BBS2: variants seen among roughly 807,000 people sequenced by gnomAD.
BBS2 encodes the protein Bardet-Biedl syndrome 2, also known as BBSome complex member BBS2.
In BBS2, 62 loss-of-function variants were observed where a neutral mutation model predicts 83.0. That is an observed-to-expected ratio of 0.75 (90% CI 0.61 to 0.92). BBS2 has a LOEUF of 0.92. Among genes scored for constraint, BBS2 ranks in the 40% least tolerant of loss-of-function variants. BBS2 has a pLI of 0.00. For synonymous variants in BBS2, 303 were observed against 326.1 expected (o/e 0.93, Z 0.76); for missense variants, 784 against 901.0 (o/e 0.87, Z 1.66).
At chr16:56,494,961 C>T (rs1384953197) in intron 15 of BBS2, among the ~76,000 whole-genome samples, 3 of 120,656 alleles carry the variant, frequency 2.5e-5, no homozygotes, top group African/African-American at 6.5e-5. Flanking sequence ...GACTCCGTCT[C>T]GAAAAAAAAA....
intron 15 of BBS2, among the ~76,000 whole-genome samples, chr16:56,490,050 G>A (rs1035185523): frequency 7.2e-5 from 11 of 151,842 alleles, no homozygotes; most frequent in African/African-American, 1.9e-4. Flanking sequence ...CCAGGAGATC[G>A]AGGCTGCTGT....
intron 15 of BBS2, among the ~76,000 whole-genome samples, chr16:56,492,954 T>C (rs1448914549): frequency 4.0e-5 from 6 of 150,506 alleles, no homozygotes; most frequent in African/African-American, 1.4e-4. Flanking sequence ...TTATCTACAG[T>C]AAAAAAAAAA....
intron 17 of BBS2, among the ~76,000 whole-genome samples, chr16:56,474,057 C>A (rs185621116): frequency 2.0e-4 from 30 of 152,196 alleles, no homozygotes; most frequent in African/African-American, 7.2e-4. Flanking sequence ...GATCTGCCTG[C>A]CTCAGAGGAG....
chr16:56,492,800 A>G (rs1295099306), intron 15 of BBS2, among the ~76,000 whole-genome samples: 1 of 152,200 alleles, frequency 6.6e-6, no homozygotes, highest in African/African-American at 2.4e-5. Flanking sequence ...ATGAGGTAAC[A>G]CCTATGGAGA....
chr16:56,479,607 G>A (rs901552352), downstream of BBS2, among the ~76,000 whole-genome samples: 4 of 152,208 alleles, frequency 2.6e-5, no homozygotes, highest in East Asian at 1.9e-4. Flanking sequence ...GCTTTGTCAT[G>A]TATCAACTTG....
At chr16:56,501,540 C>T (rs373801731) in intron 9 of BBS2, 43 bp from the exon 10 acceptor site, 5 of 1,613,434 alleles carry the variant, frequency 3.1e-6, no homozygotes, top group African/African-American at 1.3e-5. Context: ...CACCAAAACA[C>T]TGAACTAATA....
chr16:56,483,843 G>C (rs1229909247), downstream of BBS2, among the ~76,000 whole-genome samples: 2 of 150,614 alleles, frequency 1.3e-5, no homozygotes, highest in African/African-American at 4.9e-5. Context: ...GGGATTGTAG[G>C]TGTCCACCAC....
At chr16:56,486,193 T>C (rs776731749) in intron 15 of BBS2, among the ~76,000 whole-genome samples, 1 of 152,062 alleles carries the variant, frequency 6.6e-6, no homozygotes, top group Non-Finnish European at 1.5e-5. Context: ...TAAAGAAAAA[T>C]ATAGCTGAAG....
chr16:56,515,266 A>G (rs973801529), intron 1 of BBS2, among the ~76,000 whole-genome samples: 2 of 152,198 alleles, frequency 1.3e-5, no homozygotes, highest in Admixed American at 6.5e-5. Flanking sequence ...CAACAGTTTC[A>G]ACTATCATAA....
rs777000749 is a variant in BBS2, at chr16:56,485,605, C to T, written c.2044G>A (p.Ala682Thr). The T allele has an allele frequency of 3.7e-6, 6 of 1,614,144 alleles. No homozygotes were observed. Among genetic ancestry groups the T allele is most frequent in the Non-Finnish European group, 5.1e-6 (6 of 1,180,006 alleles). ...LKAVNQAIQR[A>T]GRLRVGKPKN... ...AGAGACTTACCCCGCAGACGACCTG[C>T]TCTTTGAATTGCTTGATTTACTGCT... The change falls in exon 16 of 17, where the codon GCA becomes ACA. Residue 682 changes from alanine to threonine, a missense_variant. Ala to Thr is a moderately conservative substitution (Grantham distance 58, BLOSUM62 0). Transcript: ENST00000245157.
chr16:56,515,291 T>C (rs1183667520), intron 1 of BBS2, among the ~76,000 whole-genome samples: 1 of 152,190 alleles, frequency 6.6e-6, no homozygotes, highest in Non-Finnish European at 1.5e-5. Flanking sequence ...AATCTGAGTG[T>C]CTGCATAAAT....
At chr16:56,474,461 C>T (rs1963361007) in intron 17 of BBS2, among the ~76,000 whole-genome samples, 1 of 151,784 alleles carries the variant, frequency 6.6e-6, no homozygotes, top group Non-Finnish European at 1.5e-5. Context: ...AGCTGGATTA[C>T]AGGCATGCAC....
chr16:56,501,730 C>G (rs372977454), intron 9 of BBS2: 1 of 560,216 alleles, frequency 1.8e-6, no homozygotes. Context: ...CCACTGTATC[C>G]CATCATGACT....
chr16:56,500,942 G>T lies in BBS2; in HGVS notation c.1309C>A (p.Leu437Ile). 1 of 1,614,134 alleles carries T rather than the reference G, an allele frequency of 6.2e-7. No individual in the cohort carries two copies. The highest frequency in any genetic ancestry group is 8.5e-7 in the Non-Finnish European group (1 of 1,179,984). The change falls in exon 11 of 17, where the codon CTC becomes ATC. Residue 437 changes from leucine (L) to isoleucine (I), a missense_variant. Coordinates refer to ENST00000245157, the MANE Select transcript of BBS2 (RefSeq NM_031885.5). ...ATAGGGATGCAGATGGAACTGGAGA[G>T]GTTGTGAATGCTGGGATGTACCACG... ...SHVVHPSIHNLSSSICIPIVP... is the reference protein window; with the variant it reads ...SHVVHPSIHNISSSICIPIVP...
In BBS2 at chr16:56,485,732, T is replaced by C. The variant is rs1383409087; in HGVS notation, c.1917A>G (p.Thr639=). Residue 639 remains threonine (T), a synonymous_variant, in exon 16 of 17, where the codon ACA becomes ACG. Coordinates refer to ENST00000245157, the MANE Select transcript of BBS2 (RefSeq NM_031885.5). ...EDARLMRDMK[T]MKSRYMELYD... The stretch of plus-strand genomic sequence containing the variant: ...AGAGTTCCATATAACGACTCTTCAT[T>C]GTTTTCCTGTGCAAATCAGTAGAAA... 6.2e-7 allele frequency: 1 copy of C among 1,613,916 alleles called. No homozygotes were observed. Among genetic ancestry groups the C allele is most frequent in the Admixed American group, 1.7e-5 (1 of 60,016 alleles).
chr16:56,504,374 A>G (rs759952523), intron 7 of BBS2, among the ~76,000 whole-genome samples: 1 of 152,208 alleles, frequency 6.6e-6, no homozygotes, highest in Non-Finnish European at 1.5e-5. Flanking sequence ...CAGGACTACA[A>G]ATTAATATTT....
intron 15 of BBS2, among the ~76,000 whole-genome samples, chr16:56,496,496 C>T (rs572808552): frequency 3.3e-5 from 5 of 152,288 alleles, no homozygotes; most frequent in Non-Finnish European, 7.4e-5. Context: ...TAACTATACA[C>T]ACGGATACAT....
rs777639253 is a variant in BBS2, at chr16:56,501,386, C to T, written c.1192G>A (p.Ala398Thr). The T allele has an allele frequency of 1.2e-6, 2 of 1,614,008 alleles. No homozygotes were observed. Among genetic ancestry groups the T allele is most frequent in the Admixed American group, 3.3e-5 (2 of 60,012 alleles). ...GTGGAAATGCGTAATTCTGTATGAG[C>T]AGTTTGGGTCTCATTCCCCAGGCTG... ...SVSLGNETQT[A>T]HTELRISTSN... Residue 398 changes from alanine (A) to threonine (T), a missense_variant, in exon 10 of 17, where the codon GCT becomes ACT. Transcript: ENST00000245157.
intron 17 of BBS2, among the ~76,000 whole-genome samples, chr16:56,474,547 C>T (rs953604059): frequency 6.6e-6 from 1 of 151,586 alleles, no homozygotes; most frequent in South Asian, 2.1e-4. Flanking sequence ...CTTGAACTCC[C>T]GACCTCAGGT....
Sources: gnomAD v4.1 joint callset for allele counts (sites outside exome capture counted in the v4.1 genomes callset) on GRCh38, gnomAD v4.1.1 for gene constraint, MANE v1.5 for transcripts, NCBI Gene and HGNC (gene_info 2026-07-23, HGNC 2026-07-21) for gene names.